Variants in PHF19 observed in about 807,000 individuals in gnomAD.
The protein encoded by PHF19 is PHD finger protein 19, also known as polycomb like 3.
In PHF19, 21 loss-of-function variants were observed where a neutral mutation model predicts 79.8. The ratio of observed to expected loss-of-function variants is 0.26; its 90% CI spans 0.19 to 0.38. The LOEUF is 0.38. Ranked by LOEUF, PHF19 falls within the 10% of genes least tolerant of loss-of-function variation. PHF19 has a pLI of 1.00. For missense variants in PHF19, 445 were observed against 744.2 expected (o/e 0.60, Z 4.68); for synonymous variants, 273 against 296.3 (o/e 0.92, Z 0.81).
rs190115388 is a variant in PHF19 at position 120,869,039 on chromosome 9, G to C, written c.614+143C>G. 2 of 298,896 alleles carry C rather than the reference G, an allele frequency of 6.7e-6. No individual in the cohort carries two copies. Among genetic ancestry groups the C allele is most frequent in the Non-Finnish European group, 4.3e-6 (1 of 234,152 alleles). The allele number at this position is 298,896 out of a possible 1,614,324, so 18.5% of individuals were successfully genotyped here. On this transcript the variant is annotated intron_variant, in intron 6 of 14. Transcript: ENST00000373896. The surrounding 1 kb of genome is among the most constrained non-coding windows in gnomAD (Gnocchi z 5.8). ...CTCCAGGCCCGCCCCTCGAGGCCCC[G>C]CCCCCACAGCGCAACACACTGGGCC...
chr9:120,860,121 A>G lies in PHF19; in HGVS notation c.1369T>C (p.Ser457Pro). 1 of 1,599,134 alleles carries G rather than the reference A, an allele frequency of 6.3e-7. No individual in the cohort carries two copies. Among genetic ancestry groups the G allele is most frequent in the Non-Finnish European group, 8.5e-7 (1 of 1,172,012 alleles). Residue 457 changes from serine (S) to proline (P), a missense_variant, in exon 14 of 15, where the codon TCT becomes CCT. Physicochemically the swap from Ser to Pro is moderately conservative, Grantham distance 74. Coordinates refer to ENST00000373896, the MANE Select transcript of PHF19 (RefSeq NM_015651.3). The surrounding 1 kb of genome is among the most constrained non-coding windows in gnomAD (Gnocchi z 4.1). Reference sequence around the variant, plus strand: ...TCATAGGAGAGGCTGGTGGAGGCAGAGCCAGAGGTGCTGGCAGCGTCGGTG... The same window carrying G: ...TCATAGGAGAGGCTGGTGGAGGCAGGGCCAGAGGTGCTGGCAGCGTCGGTG... The part of the protein sequence containing the change: ...DSTDAASTSG[S>P]ASTSLSYDSR...
chr9:120,857,826 G>A lies in PHF19; in HGVS notation c.*118C>T. On this transcript the variant is annotated 3_prime_UTR_variant, in exon 15 of 15. Transcript: ENST00000373896. ...GCAGGCAGGCAGGGCATTCTGCCAG[G>A]CACTTGCAGCTCTGTCCTGCTTCCT... The A allele has an allele frequency of 1.6e-6, 1 of 625,464 alleles. No homozygotes were observed. The highest frequency in any genetic ancestry group is 2.7e-6 in the Non-Finnish European group (1 of 365,746). 38.7% of individuals were successfully genotyped at this position (625,464 alleles called of 1,614,324 possible). A position where few individuals can be genotyped will look rare whatever the true frequency, so the allele number is the denominator to read the frequency against.
At position 120,870,068 on chromosome 9, in the gene PHF19, G is replaced by A. The variant is rs542426383; in HGVS notation, c.365-123C>T. On this transcript the variant is annotated intron_variant, in intron 4 of 14. Coordinates refer to ENST00000373896, the MANE Select transcript of PHF19 (RefSeq NM_015651.3). The surrounding 1 kb of genome is among the most constrained non-coding windows in gnomAD (Gnocchi z 4.4). ...CTAGGAGCTCTGCCTGCCAGCTGCC[G>A]GGAGCCTGGCTGCTGGTGCCCACCA... is the stretch of plus-strand genomic sequence containing the variant. 1.0e-5 allele frequency: 14 copies of A among 1,390,838 alleles called. No individual in the cohort carries two copies. Among genetic ancestry groups the A allele is most frequent in the South Asian group, 2.8e-5 (2 of 71,790 alleles). 86.2% of individuals were successfully genotyped at this position (1,390,838 alleles called of 1,614,324 possible). A position where few individuals can be genotyped will look rare whatever the true frequency, so the allele number is the denominator to read the frequency against.
chr9:120,896,176 A>G (rs942142867), upstream of PHF19, among the ~76,000 whole-genome samples: 2 of 152,208 alleles, frequency 1.3e-5, no homozygotes, highest in Admixed American at 6.5e-5. Flanking sequence ...TTATGTAACA[A>G]GTTAGCATGG....
chr9:120,878,344 T>C (rs911010153), upstream of PHF19, among the ~76,000 whole-genome samples: 1 of 152,094 alleles, frequency 6.6e-6, no homozygotes, highest in South Asian at 2.1e-4. Context: ...AAGGCAGACA[T>C]GGCCCCACCC....
In PHF19 at chr9:120,857,813, GGCATTCTGC is replaced by G; in HGVS notation, c.*122_*130del. Reference sequence around the variant, plus strand: ...CTTGGCCTGGCAGGCAGGCAGGCAGGGCATTCTGCCAGGCACTTGCAGCTCTGTCCTGCT... The same window carrying G: ...CTTGGCCTGGCAGGCAGGCAGGCAGGCAGGCACTTGCAGCTCTGTCCTGCT... On this transcript the variant is annotated 3_prime_UTR_variant, in exon 15 of 15. Transcript: ENST00000373896. 1 of 606,774 alleles carries G rather than the reference GGCATTCTGC, an allele frequency of 1.6e-6. No individual in the cohort carries two copies. The highest frequency in any genetic ancestry group is 2.9e-6 in the Non-Finnish European group (1 of 350,162). 37.6% of individuals were successfully genotyped at this position (606,774 alleles called of 1,614,324 possible).
rs2045816364 is a variant in PHF19 at position 120,869,264 on chromosome 9, A to G, written c.532T>C (p.Tyr178His). The G allele has an allele frequency of 6.2e-7, 1 of 1,612,804 alleles. No homozygotes were observed. The highest frequency in any genetic ancestry group is 8.5e-7 in the Non-Finnish European group (1 of 1,179,730). The change falls in exon 6 of 15, where the codon TAC (tyrosine) becomes CAC (histidine). Residue 178 changes from tyrosine (Y) to histidine (H), a missense_variant. This residue lies in a region of PHF19 where 167 missense variants were observed against 375.8 expected (regional missense o/e 0.44). Coordinates refer to ENST00000373896, the MANE Select transcript of PHF19 (RefSeq NM_015651.3). This position sits in a 1 kb window ranked among gnomAD's most constrained non-coding sequence, Gnocchi z 5.8. The stretch of plus-strand genomic sequence containing the variant: ...TCCCACTCGAGCTCCTCGGGCTGGT[A>G]GGACAGCACCATCTTCACGGCCTGC... The part of the protein sequence containing the change: ...TLQAVKMVLS[Y>H]QPEELEWDSP...
chr9:120,863,975 G>T, intron 10 of PHF19, 74 bp downstream of exon 10: 1 of 1,226,782 alleles, frequency 8.2e-7, no homozygotes, highest in Non-Finnish European at 1.2e-6. Flanking sequence ...CATAGCCTGA[G>T]CAAAGGCTAT....
chr9:120,859,308 C>G (rs1457075840), intron 14 of PHF19, among the ~76,000 whole-genome samples: 1 of 134,278 alleles, frequency 7.4e-6, no homozygotes, highest in African/African-American at 2.8e-5. Flanking sequence ...TTAGTAGAGG[C>G]GGGGTTTCAC....
chr9:120,898,505 G>A (rs769371326), upstream of PHF19, among the ~76,000 whole-genome samples: 3 of 152,218 alleles, frequency 2.0e-5, no homozygotes, highest in Admixed American at 6.5e-5. Flanking sequence ...CAAGAAAAGC[G>A]TATGCTCAAC....
At position 120,862,759 on chromosome 9, in the gene PHF19, G is replaced by C; in HGVS notation, c.969-10C>G. 1 of 1,613,772 alleles carries C rather than the reference G, an allele frequency of 6.2e-7. No individual in the cohort carries two copies. Among genetic ancestry groups the C allele is most frequent in the East Asian group, 2.2e-5 (1 of 44,872 alleles). ...CTTGCCGCAGAGGAACCTGGGGGTG[G>C]GCAGTGGGAGGAAGAAGCTCTGGAG... On this transcript the variant is annotated splice_polypyrimidine_tract_variant and intron_variant, in intron 10 of 14. Coordinates refer to ENST00000373896, the MANE Select transcript of PHF19 (RefSeq NM_015651.3). The surrounding 1 kb of genome is among the most constrained non-coding windows in gnomAD (Gnocchi z 4.6).
Position 120,869,756 on chromosome 9 carries a change from T to C in PHF19, c.465+89A>G, listed in dbSNP as rs766864302. ...CAAAGCCCAGGTGTGGCCCTTCTGC[T>C]TGGAGCTCAGACTCTGTGATGGGAG... On this transcript the variant is annotated intron_variant, in intron 5 of 14. Coordinates refer to ENST00000373896, the MANE Select transcript of PHF19 (RefSeq NM_015651.3). The surrounding 1 kb of genome is among the most constrained non-coding windows in gnomAD (Gnocchi z 5.8). The C allele has an allele frequency of 1.3e-6, 2 of 1,593,198 alleles. No homozygotes were observed. Among genetic ancestry groups the C allele is most frequent in the Non-Finnish European group, 1.7e-6 (2 of 1,169,996 alleles).
In PHF19 at chr9:120,857,927, G is replaced by C; in HGVS notation, c.*17C>G. 2 of 1,484,460 alleles carry C rather than the reference G, an allele frequency of 1.3e-6. No individual in the cohort carries two copies. Among genetic ancestry groups the C allele is most frequent in the Non-Finnish European group, 1.8e-6 (2 of 1,091,216 alleles). 92.0% of individuals were successfully genotyped at this position (1,484,460 alleles called of 1,614,324 possible). On this transcript the variant is annotated 3_prime_UTR_variant, in exon 15 of 15. Coordinates refer to ENST00000373896, the MANE Select transcript of PHF19 (RefSeq NM_015651.3). ...CCTCCTTTGGTTTTCAGGACCCCTG[G>C]CACCCCCGGGGGCTAGTCAGTAAGG...
At chr9:120,872,859 C>T (rs963588362) in intron 3 of PHF19, among the ~76,000 whole-genome samples, 1 of 151,840 alleles carries the variant, frequency 6.6e-6, no homozygotes, top group Admixed American at 6.6e-5. Context: ...TGACGTCAGG[C>T]GATTCACCCA....
In PHF19 at chr9:120,866,435, A is replaced by G. The variant is rs2045704066; in HGVS notation, c.711-339T>C. ...CAAATGACATGAGACACCAACCAAA[A>G]GATGCATAACATCAGGTTTGACATC... On this transcript the variant is annotated intron_variant, in intron 7 of 14. Coordinates refer to ENST00000373896, the MANE Select transcript of PHF19 (RefSeq NM_015651.3). This position sits in a 1 kb window ranked among gnomAD's most constrained non-coding sequence, Gnocchi z 5.2. Among the ~76,000 whole-genome samples, 1 of 152,166 alleles carries G rather than the reference A, an allele frequency of 6.6e-6. No homozygotes were observed. Among genetic ancestry groups the G allele is most frequent in the South Asian group, 2.1e-4 (1 of 4,832 alleles).
In PHF19 at chr9:120,874,890, T is replaced by C; in HGVS notation, c.-15-134A>G. The stretch of plus-strand genomic sequence containing the variant: ...TGGTTATTATCTCACTGATTCCTCG[T>C]GACCATCCTATGAGGGAGACATTAT... On this transcript the variant is annotated intron_variant, in intron 1 of 14. Coordinates refer to ENST00000373896, the MANE Select transcript of PHF19 (RefSeq NM_015651.3). This position sits in a 1 kb window ranked among gnomAD's most constrained non-coding sequence, Gnocchi z 4.5. 2 of 609,450 alleles carry C rather than the reference T, an allele frequency of 3.3e-6. No individual in the cohort carries two copies. The highest frequency in any genetic ancestry group is 5.8e-6 in the Non-Finnish European group (2 of 342,084). 37.8% of individuals were successfully genotyped at this position (609,450 alleles called of 1,614,324 possible). A position where few individuals can be genotyped will look rare whatever the true frequency, so the allele number is the denominator to read the frequency against.
chr9:120,870,505 A>G lies in PHF19; in HGVS notation c.302T>C (p.Ile101Thr), dbSNP rs1358206029. 1 of 1,613,214 alleles carries G rather than the reference A, an allele frequency of 6.2e-7. No homozygotes were observed. Among genetic ancestry groups the G allele is most frequent in the Non-Finnish European group, 8.5e-7 (1 of 1,179,150 alleles). Residue 101 changes from isoleucine (I) to threonine (T), a missense_variant, in exon 4 of 15, where the codon ATC (isoleucine) becomes ACC (threonine). Physicochemically the swap from Ile to Thr is moderately conservative, Grantham distance 89 (BLOSUM62 -1). Coordinates refer to ENST00000373896, the MANE Select transcript of PHF19 (RefSeq NM_015651.3). This position sits in a 1 kb window ranked among gnomAD's most constrained non-coding sequence, Gnocchi z 4.4. ...CGGCCCTGATGTCTTCCCTAGGCAG[A>G]TGTTGCACTTGGGCTCCTCTCCTGG... ...GVPGEEPKCNICLGKTSGPLN... is the reference protein window; with the variant it reads ...GVPGEEPKCNTCLGKTSGPLN...
chr9:120,859,827 T>C (rs1411161469), intron 14 of PHF19, among the ~76,000 whole-genome samples: 4 of 152,190 alleles, frequency 2.6e-5, no homozygotes, highest in African/African-American at 4.8e-5. Context: ...GAGAGGTGTG[T>C]ACAAGCTTCT....
In PHF19 at chr9:120,870,458, C is replaced by T. The variant is rs747333442; in HGVS notation, c.349G>A (p.Gly117Arg). The change falls in exon 4 of 15, where the codon GGG becomes AGG. Residue 117 changes from glycine to arginine, a missense_variant. Around this residue, in one of 5 missense-constraint regions of PHF19, gnomAD observed 167 missense variants for 375.8 expected, o/e 0.44. Transcript: ENST00000373896. The surrounding 1 kb of genome is among the most constrained non-coding windows in gnomAD (Gnocchi z 4.4). ...CTCCACTCACCCAGGCCACACTTCC[C>T]GCAGATGAGGATCTCATTCAGCGGC... Reference protein sequence around the residue: ...SGPLNEILICGKCGLGYHQQC... With the variant: ...SGPLNEILICRKCGLGYHQQC... The T allele has an allele frequency of 3.7e-6, 6 of 1,611,534 alleles. No individual in the cohort carries two copies. Among genetic ancestry groups the T allele is most frequent in the Non-Finnish European group, 2.5e-6 (3 of 1,177,750 alleles).
Sources: allele counts gnomAD v4.1 joint callset (sites outside exome capture counted in the v4.1 genomes callset), GRCh38; gene constraint gnomAD v4.1.1; regional missense constraint gnomAD v4.1.1; non-coding constraint Gnocchi (gnomAD v3.1); transcripts MANE v1.5; gene names NCBI Gene and HGNC (gene_info 2026-07-23, HGNC 2026-07-21).